ZNF608: variants seen among roughly 807,000 people sequenced by gnomAD.
ZNF608 encodes renal carcinoma antigen NY-REN-36.
A neutral mutation model predicts 109.0 loss-of-function variants in ZNF608; 12 were observed. The ratio of observed to expected loss-of-function variants is 0.11; its 90% CI spans 0.07 to 0.18. ZNF608 has a LOEUF of 0.18. Ranked by LOEUF, ZNF608 falls within the 10% of genes least tolerant of loss-of-function variation. The pLI is 1.00. For missense variants in ZNF608, 1,707 were observed against 1,879.3 expected, an observed-to-expected ratio of 0.91 and a Z score of 1.70; for synonymous variants, 732 against 717.4, an observed-to-expected ratio of 1.02 and a Z score of -0.33.
chr5:124,744,135 T>C lies in ZNF608; in HGVS notation c.855A>G (p.Glu285=), dbSNP rs1016168577. 1.2e-6 allele frequency: 2 copies of C among 1,610,302 alleles called. No homozygotes were observed. The highest frequency in any genetic ancestry group is 1.7e-6 in the Non-Finnish European group (2 of 1,178,438). Residue 285 remains glutamate, a synonymous_variant, in exon 2 of 10, where the codon GAA becomes GAG. Coordinates refer to ENST00000513986, the MANE Select transcript of ZNF608 (RefSeq NM_020747.3). The surrounding 1 kb of genome is among the most constrained non-coding windows in gnomAD (Gnocchi z 4.5). ...GCCTGTGGCTCTCCTCCTCCTCCTC[T>C]TCCTTCTTTACCAACATAGAGTTTC... is the stretch of plus-strand genomic sequence containing the variant. ...LMGNSMLVKK[E]EEEEESHRRI... is the part of the protein sequence containing the mutation.
At chr5:124,738,599 G>A (rs944857703) in intron 2 of ZNF608, among the ~76,000 whole-genome samples, 1 of 152,160 alleles carries the variant, frequency 6.6e-6, no homozygotes, top group African/African-American at 2.4e-5. Flanking sequence ...AGTTTAAACT[G>A]CATTGAAACT....
In ZNF608 at chr5:124,641,317, G is replaced by C. The variant is rs776465095; in HGVS notation, c.4385C>G (p.Thr1462Arg). The C allele has an allele frequency of 2.5e-6, 4 of 1,613,894 alleles. No individual in the cohort carries two copies. Among genetic ancestry groups the C allele is most frequent in the South Asian group, 1.1e-5 (1 of 91,086 alleles). Residue 1462 changes from threonine (T) to arginine (R), a missense_variant, in exon 8 of 10, where the codon ACG (threonine) becomes AGG (arginine). Transcript: ENST00000513986. ...CATGCCAACGTGGGTGTGGTGGTGC[G>C]TGTGCAGGTGCCGCTGGCCGAAGGG... is the stretch of plus-strand genomic sequence containing the variant. ...HSPFGQRHLHTHHHTHVGMGY... is the reference protein window; with the variant it reads ...HSPFGQRHLHRHHHTHVGMGY...
At position 124,646,844 on chromosome 5, in the gene ZNF608, T is replaced by A. The variant is rs1407024408; in HGVS notation, c.3540A>T (p.Thr1180=). ...GATTGGAGAGAAGCTGCGATTTACC[T>A]GTCTCCTCAGTTTTATTAGGCACTG... ...GPSVPNKTEE[T]GKSQLLSNHQ... is the part of the protein sequence containing the mutation. The change falls in exon 5 of 10, where the codon ACA becomes ACT. Residue 1180 remains threonine, a synonymous_variant. Coordinates refer to ENST00000513986, the MANE Select transcript of ZNF608 (RefSeq NM_020747.3). 2.5e-6 allele frequency: 4 copies of A among 1,614,264 alleles called. No individual in the cohort carries two copies. Among genetic ancestry groups the A allele is most frequent in the Non-Finnish European group, 3.4e-6 (4 of 1,180,036 alleles).
At chr5:124,734,228 G>A (rs1027435438) in intron 2 of ZNF608, among the ~76,000 whole-genome samples, 2 of 152,176 alleles carry the variant, frequency 1.3e-5, no homozygotes, top group African/African-American at 4.8e-5. Context: ...TTTACATTAA[G>A]AGTAGCACCT....
chr5:124,718,905 C>T (rs1753803788), intron 2 of ZNF608, among the ~76,000 whole-genome samples: 1 of 152,168 alleles, frequency 6.6e-6, no homozygotes, highest in Non-Finnish European at 1.5e-5. Flanking sequence ...TTTAAATTAA[C>T]ATGCACAATA....
intron 3 of ZNF608, among the ~76,000 whole-genome samples, chr5:124,696,628 T>TAA (rs1271904237): frequency 2.0e-5 from 3 of 152,180 alleles, no homozygotes; most frequent in Non-Finnish European, 4.4e-5. Context: ...TTAAGCCTCT[T>TAA]AAATCCTCTG....
chr5:124,699,962 G>C (rs1453481960), intron 3 of ZNF608, among the ~76,000 whole-genome samples: 2 of 150,442 alleles, frequency 1.3e-5, no homozygotes, highest in African/African-American at 4.9e-5. Context: ...GGAATCTGAT[G>C]AATAATTGTG....
chr5:124,735,180 A>G (rs1193798028), intron 2 of ZNF608: 1 of 152,274 alleles, frequency 6.6e-6, no homozygotes, highest in African/African-American at 2.4e-5. Flanking sequence ...AACAGCAGTC[A>G]TAATGTGGAA....
In ZNF608 at chr5:124,648,098, A is replaced by AGTGGTG; in HGVS notation, c.2280_2285dup (p.Thr761_Thr762dup). Reference sequence around the variant, plus strand: ...GGGAGGGCAGTCCGGGTATTGTCCCAGTGGTGGTCGTTGTAAAGGTTGCAG... The same window carrying AGTGGTG: ...GGGAGGGCAGTCCGGGTATTGTCCCAGTGGTGGTGGTGGTCGTTGTAAAGGTTGCAG... On this transcript the variant is annotated inframe_insertion, in exon 5 of 10. Coordinates refer to ENST00000513986, the MANE Select transcript of ZNF608 (RefSeq NM_020747.3). 1 of 1,372,922 alleles carries AGTGGTG rather than the reference A, an allele frequency of 7.3e-7. No individual in the cohort carries two copies. The highest frequency in any genetic ancestry group is 9.7e-7 in the Non-Finnish European group (1 of 1,027,628). The allele number at this position is 1,372,922 out of a possible 1,614,324, so 85.0% of individuals were successfully genotyped here. A position where few individuals can be genotyped will look rare whatever the true frequency, so the allele number is the denominator to read the frequency against.
intron 6 of ZNF608, among the ~76,000 whole-genome samples, 187 bp downstream of exon 6, chr5:124,644,057 T>C (rs900085717): frequency 6.6e-6 from 1 of 152,238 alleles, no homozygotes; most frequent in Non-Finnish European, 1.5e-5. Context: ...AAACTATGGC[T>C]GAGGATTCTT....
intron 3 of ZNF608, among the ~76,000 whole-genome samples, chr5:124,677,806 A>C (rs1052526436): frequency 6.6e-5 from 10 of 152,168 alleles, no homozygotes; most frequent in Non-Finnish European, 1.0e-4. Context: ...GCAAAGCCAA[A>C]AGCTAGCTCA....
chr5:124,690,050 G>C lies in ZNF608; in HGVS notation c.1162+10964C>G, dbSNP rs60847510. Among the ~76,000 whole-genome samples, 1,092 of 152,278 alleles carry C rather than the reference G, an allele frequency of 7.2e-3. 17 individuals carry two copies. The highest frequency in any genetic ancestry group is 0.024 in the African/African-American group (995 of 41,552). ...ATGAAATAATATTCAGTACTCCCAA[G>C]CATTGAGTTATTGAGCCACAAGAAG... On this transcript the variant is annotated intron_variant, in intron 3 of 9. Coordinates refer to ENST00000513986, the MANE Select transcript of ZNF608 (RefSeq NM_020747.3).
intron 2 of ZNF608, 123 bp downstream of exon 2, chr5:124,743,961 C>G: frequency 7.2e-7 from 1 of 1,388,034 alleles, no homozygotes; most frequent in Middle Eastern, 2.1e-4. Flanking sequence ...GGATGCATAT[C>G]ATAGAAATCT....
chr5:124,732,279 A>G (rs1012682722), intron 2 of ZNF608, among the ~76,000 whole-genome samples: 1 of 152,196 alleles, frequency 6.6e-6, no homozygotes, highest in African/African-American at 2.4e-5. Context: ...TTTTCATGGC[A>G]TGCATCCTGA....
At chr5:124,719,667 T>C (rs1753831351) in intron 2 of ZNF608, among the ~76,000 whole-genome samples, 1 of 152,244 alleles carries the variant, frequency 6.6e-6, no homozygotes, top group African/African-American at 2.4e-5. Context: ...AGATTCTTTA[T>C]GTGGGGATCA....
intron 3 of ZNF608, among the ~76,000 whole-genome samples, chr5:124,695,374 G>C: frequency 6.6e-6 from 1 of 152,182 alleles, no homozygotes; most frequent in East Asian, 1.9e-4. Context: ...CAAAAGAAAA[G>C]TTCTATTTTC....
chr5:124,748,467 G>A (rs958800896), upstream of ZNF608: 4 of 889,598 alleles, frequency 4.5e-6, no homozygotes, highest in Non-Finnish European at 5.4e-6. Flanking sequence ...CATAAAACTC[G>A]CACATTCCCC....
intron 2 of ZNF608, among the ~76,000 whole-genome samples, chr5:124,727,361 A>G (rs1748653723): frequency 6.6e-6 from 1 of 152,134 alleles, no homozygotes; most frequent in Non-Finnish European, 1.5e-5. Flanking sequence ...TTGGGATTCC[A>G]GTTGGTCTTG....
intron 3 of ZNF608, among the ~76,000 whole-genome samples, chr5:124,663,357 T>C (rs1347936481): frequency 1.3e-5 from 2 of 152,200 alleles, no homozygotes; most frequent in Non-Finnish European, 2.9e-5. Flanking sequence ...CACCAGAGCG[T>C]CCAGGTCTGT....
Sources: gnomAD v4.1 joint callset for allele counts (sites outside exome capture counted in the v4.1 genomes callset) on GRCh38, gnomAD v4.1.1 for gene constraint, Gnocchi (gnomAD v3.1) non-coding constraint, MANE v1.5 for transcripts, NCBI Gene and HGNC (gene_info 2026-07-23, HGNC 2026-07-21) for gene names.